Variants in VAV3 observed in about 807,000 individuals in gnomAD.
VAV3 encodes vav guanine nucleotide exchange factor 3.
VAV3 carries 94 observed loss-of-function variants against 131.2 expected under a neutral mutation model. The ratio of observed to expected loss-of-function variants is 0.72; its 90% CI spans 0.61 to 0.85. The LOEUF (loss-of-function observed/expected upper bound fraction) is 0.85, where lower values mean the gene tolerates loss of function less well. Ranked by LOEUF, VAV3 falls within the 40% of genes least tolerant of loss-of-function variation. VAV3 has a pLI of 0.00. For synonymous variants in VAV3, 349 were observed against 342.0 expected, an observed-to-expected ratio of 1.02 and a Z score of -0.22; for missense variants, 939 against 1,002.7, an observed-to-expected ratio of 0.94 and a Z score of 0.86.
chr1:107,938,358 G>A (rs1214223698), intron 1 of VAV3, among the ~76,000 whole-genome samples: 1 of 152,182 alleles, frequency 6.6e-6, no homozygotes, highest in African/African-American at 2.4e-5. Flanking sequence ...GCGAGAGGCA[G>A]GAGTGTCTTA....
At chr1:107,646,457 G>T (rs1655742407) in intron 19 of VAV3, among the ~76,000 whole-genome samples, 1 of 151,938 alleles carries the variant, frequency 6.6e-6, no homozygotes, top group Admixed American at 6.6e-5. Flanking sequence ...ATAATCACAT[G>T]TACTTTCACC....
chr1:107,950,778 G>C (rs1674493065), intron 1 of VAV3, among the ~76,000 whole-genome samples: 2 of 152,144 alleles, frequency 1.3e-5, no homozygotes, highest in Admixed American at 1.3e-4. Context: ...ACACAGTCAA[G>C]ACCAGATGGA....
At chr1:107,874,474 C>T (rs1272891803) in intron 2 of VAV3, among the ~76,000 whole-genome samples, 2 of 152,072 alleles carry the variant, frequency 1.3e-5, no homozygotes, top group African/African-American at 2.4e-5. Context: ...TTCTCAACTT[C>T]CAAAAATTAG....
chr1:107,614,493 A>G (rs994402334), intron 21 of VAV3, among the ~76,000 whole-genome samples: 1 of 152,058 alleles, frequency 6.6e-6, no homozygotes, highest in African/African-American at 2.4e-5. Flanking sequence ...AAAAAAATCT[A>G]TAATTTCATT....
chr1:107,842,338 G>C (rs1571028140), intron 2 of VAV3, among the ~76,000 whole-genome samples: 1 of 152,232 alleles, frequency 6.6e-6, no homozygotes, highest in Non-Finnish European at 1.5e-5. Context: ...GTTGGCCACA[G>C]TTGAGTGGCC....
At chr1:107,624,844 A>T (rs989330240) in intron 20 of VAV3, among the ~76,000 whole-genome samples, 9 of 152,232 alleles carry the variant, frequency 5.9e-5, no homozygotes, top group Non-Finnish European at 1.0e-4. Context: ...CTAAGGAATT[A>T]AAAATGAATA....
intron 12 of VAV3, among the ~76,000 whole-genome samples, chr1:107,753,553 C>CACAT (rs1663914286): frequency 1.4e-5 from 1 of 69,720 alleles, no homozygotes; most frequent in African/African-American, 5.4e-5. Context: ...TATATATACA[C>CACAT]ACACACACTT....
chr1:107,942,484 C>G (rs373215546), intron 1 of VAV3, among the ~76,000 whole-genome samples: 30 of 152,282 alleles, frequency 2.0e-4, no homozygotes, highest in African/African-American at 7.0e-4. Context: ...GATCTTGTCT[C>G]ACTTCTTCAG....
chr1:107,899,782 C>A (rs1671770836), intron 1 of VAV3, among the ~76,000 whole-genome samples: 1 of 152,142 alleles, frequency 6.6e-6, no homozygotes, highest in Non-Finnish European at 1.5e-5. Flanking sequence ...TAAAGCCAAA[C>A]TAATAATAAC....
chr1:107,767,369 T>C (rs1425503550), intron 7 of VAV3, among the ~76,000 whole-genome samples: 2 of 152,170 alleles, frequency 1.3e-5, no homozygotes, highest in Admixed American at 1.3e-4. Flanking sequence ...GGAGCACACA[T>C]TGACTCCACA....
At chr1:107,680,523 C>T (rs1658529320) in intron 19 of VAV3, among the ~76,000 whole-genome samples, 1 of 152,020 alleles carries the variant, frequency 6.6e-6, no homozygotes. Context: ...GAGTACTTTA[C>T]TTGGGCACCT....
At chr1:107,640,821 G>C (rs1221653428) in intron 20 of VAV3, among the ~76,000 whole-genome samples, 1 of 152,020 alleles carries the variant, frequency 6.6e-6, no homozygotes, top group East Asian at 1.9e-4. Flanking sequence ...AAGAGTGTCT[G>C]GCATGACCAG....
intron 25 of VAV3, among the ~76,000 whole-genome samples, chr1:107,584,188 G>C (rs1650303647): frequency 6.6e-6 from 1 of 152,134 alleles, no homozygotes; most frequent in African/African-American, 2.4e-5. Flanking sequence ...ATGGTGCTGG[G>C]AAAACTGGCT....
At chr1:107,665,682 T>A (rs1159842517) in intron 19 of VAV3, among the ~76,000 whole-genome samples, 1 of 152,196 alleles carries the variant, frequency 6.6e-6, no homozygotes, top group Non-Finnish European at 1.5e-5. Flanking sequence ...CATACCTGAC[T>A]GCACACAGCC....
chr1:107,739,872 C>T (rs1247735714), intron 15 of VAV3, among the ~76,000 whole-genome samples: 1 of 152,186 alleles, frequency 6.6e-6, no homozygotes, highest in Non-Finnish European at 1.5e-5. Flanking sequence ...GCTTCCTCTA[C>T]CCCTTCTGGT....
intron 2 of VAV3, among the ~76,000 whole-genome samples, chr1:107,850,499 C>G (rs1669167655): frequency 6.7e-6 from 1 of 149,194 alleles, no homozygotes; most frequent in African/African-American, 2.5e-5. Context: ...CATGTTCTCA[C>G]TTATAAATGT....
At chr1:107,691,442 C>A (rs1659420700) in intron 17 of VAV3, among the ~76,000 whole-genome samples, 1 of 152,090 alleles carries the variant, frequency 6.6e-6, no homozygotes, top group Admixed American at 6.5e-5. Context: ...TGCAATAGAG[C>A]TGAGATAATT....
intron 2 of VAV3, among the ~76,000 whole-genome samples, chr1:107,856,106 T>C (rs1014862531): frequency 3.9e-5 from 6 of 151,914 alleles, no homozygotes; most frequent in Non-Finnish European, 7.4e-5. Context: ...GTGACACAGG[T>C]GGAGTGGGTG....
chr1:107,643,888 T>G (rs1283473692), intron 19 of VAV3, among the ~76,000 whole-genome samples: 1 of 152,102 alleles, frequency 6.6e-6, no homozygotes, highest in Non-Finnish European at 1.5e-5. Flanking sequence ...ATCAATCCAA[T>G]CAGGAGGCAG....
Sources: allele counts gnomAD v4.1 joint callset (sites outside exome capture counted in the v4.1 genomes callset), GRCh38; gene constraint gnomAD v4.1.1; transcripts MANE v1.5; gene names NCBI Gene and HGNC (gene_info 2026-07-23, HGNC 2026-07-21).